The following RANBP17 variants were observed in gnomAD, a reference collection of about 807,000 sequenced individuals.
RANBP17 encodes ran-binding protein 17.
Under a neutral mutation model 141.2 loss-of-function variants are expected in RANBP17, and 158 were observed. The observed-to-expected ratio is 1.12, with a 90% confidence interval of 0.98 to 1.28. The LOEUF (loss-of-function observed/expected upper bound fraction) is 1.28, where lower values mean the gene tolerates loss of function less well. RANBP17 is among the 50% of genes most tolerant of loss of function. The pLI is 0.00. For synonymous variants in RANBP17, 430 were observed against 450.0 expected, an observed-to-expected ratio of 0.96 and a Z score of 0.56; for missense variants, 1,438 against 1,290.7, an observed-to-expected ratio of 1.11 and a Z score of -1.75.
chr5:171,146,421 CTT>C, intron 14 of RANBP17, among the ~76,000 whole-genome samples: 1 of 152,164 alleles, frequency 6.6e-6, no homozygotes, highest in African/African-American at 2.4e-5. Flanking sequence ...GGTAAATGCA[CTT>C]TTCTTCATTT....
At chr5:170,907,859 A>T (rs1561877660) in intron 5 of RANBP17, among the ~76,000 whole-genome samples, 1 of 151,964 alleles carries the variant, frequency 6.6e-6, no homozygotes, top group Admixed American at 6.6e-5. Context: ...GGCATTAAAA[A>T]TAAGCAAAAG....
intron 14 of RANBP17, among the ~76,000 whole-genome samples, chr5:171,024,795 C>CT (rs138588531): frequency 1.0e-4 from 15 of 148,736 alleles, no homozygotes; most frequent in South Asian, 2.1e-4. Context: ...TGTCTTCTCC[C>CT]TTTTTTTTTT....
chr5:170,881,671 CA>C, intron 2 of RANBP17, 134 bp from the exon 3 acceptor site: 1 of 539,076 alleles, frequency 1.9e-6, no homozygotes, highest in Non-Finnish European at 3.3e-6. Flanking sequence ...CTCAAGTTGA[CA>C]TATTTTATCT....
chr5:170,961,884 T>A (rs1197269638), intron 13 of RANBP17, among the ~76,000 whole-genome samples: 1 of 152,244 alleles, frequency 6.6e-6, no homozygotes, highest in Non-Finnish European at 1.5e-5. Context: ...AATAAAGTGC[T>A]TGATTGTTTT....
At chr5:171,079,984 GTGAA>G (rs1299972569) in intron 14 of RANBP17, among the ~76,000 whole-genome samples, 1 of 152,114 alleles carries the variant, frequency 6.6e-6, no homozygotes, top group East Asian at 1.9e-4. Flanking sequence ...TAGCTTGAGA[GTGAA>G]TGAAAAAGGT....
At chr5:171,210,101 A>G (rs903671491) in intron 20 of RANBP17, among the ~76,000 whole-genome samples, 2 of 152,214 alleles carry the variant, frequency 1.3e-5, no homozygotes, top group Non-Finnish European at 2.9e-5. Flanking sequence ...TTAGAAATTC[A>G]TAGAGAAGAT....
At chr5:171,144,987 C>T (rs922674557) in intron 14 of RANBP17, among the ~76,000 whole-genome samples, 3 of 152,126 alleles carry the variant, frequency 2.0e-5, no homozygotes, top group African/African-American at 7.2e-5. Flanking sequence ...TTTTATATTT[C>T]GCTTGGCTAT....
At chr5:171,070,381 A>C (rs1180565116) in intron 14 of RANBP17, among the ~76,000 whole-genome samples, 1 of 152,114 alleles carries the variant, frequency 6.6e-6, no homozygotes, top group African/African-American at 2.4e-5. Flanking sequence ...CTTACTTGGA[A>C]TTACTTCTGC....
chr5:170,984,580 CA>C (rs1777992380), intron 14 of RANBP17, among the ~76,000 whole-genome samples: 1 of 151,968 alleles, frequency 6.6e-6, no homozygotes, highest in Non-Finnish European at 1.5e-5. Flanking sequence ...GAGCTGTGAT[CA>C]CACCAGTGCA....
chr5:171,027,481 A>C (rs1166208123), intron 14 of RANBP17, among the ~76,000 whole-genome samples: 1 of 152,126 alleles, frequency 6.6e-6, no homozygotes, highest in Non-Finnish European at 1.5e-5. Context: ...ATAGTATTGT[A>C]GCTTTTTTCT....
chr5:171,237,801 G>A (rs554947566), intron 22 of RANBP17, among the ~76,000 whole-genome samples: 52 of 152,246 alleles, frequency 3.4e-4, no homozygotes, highest in Non-Finnish European at 5.3e-4. Flanking sequence ...GACAAGGAAG[G>A]AATAGAACTT....
At chr5:171,160,190 CCTGA>C (rs1561716898) in intron 14 of RANBP17, among the ~76,000 whole-genome samples, 1 of 151,992 alleles carries the variant, frequency 6.6e-6, no homozygotes. Context: ...CTGTTTTTCT[CCTGA>C]CTTTTTTTCT....
intron 10 of RANBP17, among the ~76,000 whole-genome samples, 174 bp from the exon 11 acceptor site, chr5:170,919,267 A>G (rs1462598105): frequency 1.3e-5 from 2 of 151,978 alleles, no homozygotes; most frequent in Non-Finnish European, 2.9e-5. Flanking sequence ...AATAATAGAG[A>G]TGTTGGTTTC....
chr5:171,264,773 G>T (rs1242342253), intron 24 of RANBP17, among the ~76,000 whole-genome samples: 1 of 152,170 alleles, frequency 6.6e-6, no homozygotes, highest in Non-Finnish European at 1.5e-5. Context: ...AATTGGCAAA[G>T]ATAGGACTTG....
At chr5:171,248,235 C>T (rs890091478) in intron 24 of RANBP17, among the ~76,000 whole-genome samples, 2 of 151,892 alleles carry the variant, frequency 1.3e-5, no homozygotes, top group South Asian at 2.1e-4. Flanking sequence ...GGCGTGGTGG[C>T]GGGCGCCTGT....
intron 14 of RANBP17, among the ~76,000 whole-genome samples, chr5:170,980,760 G>A (rs1396109094): frequency 6.6e-6 from 1 of 152,210 alleles, no homozygotes; most frequent in Admixed American, 6.5e-5. Flanking sequence ...CTCTGCTAAG[G>A]CAGTGCGGAA....
intron 14 of RANBP17, among the ~76,000 whole-genome samples, chr5:171,087,875 G>A (rs1390643775): frequency 1.3e-5 from 2 of 151,866 alleles, no homozygotes; most frequent in African/African-American, 2.4e-5. Flanking sequence ...TGTGAGATGG[G>A]TTTCCTGAAT....
intron 14 of RANBP17, among the ~76,000 whole-genome samples, chr5:171,005,834 C>T (rs1779561731): frequency 6.6e-6 from 1 of 151,924 alleles, no homozygotes; most frequent in Admixed American, 6.6e-5. Context: ...AAAATTTTTG[C>T]AATCTACTCA....
rs1330085698 is a variant in RANBP17 at position 171,183,355 on chromosome 5, AATCATAGTCTCAGCGACTTC to A, written c.1965_1984del (p.Asn655LysfsTer20). The A allele has an allele frequency of 5.6e-6, 9 of 1,613,964 alleles. No individual in the cohort carries two copies. The highest frequency in any genetic ancestry group is 7.6e-6 in the Non-Finnish European group (9 of 1,179,948). On this transcript the variant is annotated frameshift_variant, in exon 18 of 28. Transcript: ENST00000523189. LOFTEE classifies it high-confidence loss of function. ...CTTCCCTTTTCTTGGCATCAGTGACAATCATAGTCTCAGCGACTTCAGGTGTCGAACAACCTTCTACACAG... is the reference window on the plus strand; with the variant it reads ...CTTCCCTTTTCTTGGCATCAGTGACAAGGTGTCGAACAACCTTCTACACAG...
Sources: gnomAD v4.1 joint callset for allele counts (sites outside exome capture counted in the v4.1 genomes callset) on GRCh38, gnomAD v4.1.1 for gene constraint, MANE v1.5 for transcripts, NCBI Gene and HGNC (gene_info 2026-07-23, HGNC 2026-07-21) for gene names.